PALLD: variants seen among roughly 807,000 people sequenced by gnomAD.
The protein encoded by PALLD is palladin.
Under a neutral mutation model 123.5 loss-of-function variants are expected in PALLD, and 61 were observed. That is an observed-to-expected ratio of 0.49 (90% CI 0.40 to 0.61). The LOEUF is 0.61. PALLD is among the 20% of genes least tolerant of loss of function. PALLD has a pLI of 0.00. For missense variants in PALLD, 1,273 were observed against 1,377.0 expected (o/e 0.92, Z 1.20); for synonymous variants, 465 against 496.4 (o/e 0.94, Z 0.84).
chr4:168,529,628 T>G (rs1310225820), intron 2 of PALLD, among the ~76,000 whole-genome samples: 1 of 152,214 alleles, frequency 6.6e-6, no homozygotes, highest in Non-Finnish European at 1.5e-5. Context: ...TAAAAAAGTT[T>G]TTTGAGACAT....
chr4:168,924,997 A>G lies in PALLD; in HGVS notation c.3277A>G (p.Lys1093Glu), dbSNP rs1553984987. 6.2e-7 allele frequency: 1 copy of G among 1,614,144 alleles called. No homozygotes were observed. Among genetic ancestry groups the G allele is most frequent in the Non-Finnish European group, 8.5e-7 (1 of 1,179,984 alleles). ...CTGCCTGCTCATTCAGGGAGCCACA[A>G]AAGAAGATGCTGGGTGGTATACTGT... The part of the protein sequence containing the change: ...YICLLIQGAT[K>E]EDAGWYTVSA... Residue 1093 changes from lysine to glutamate, a missense_variant, in exon 20 of 22, where the codon AAA becomes GAA. By Grantham distance (56) the Lys-to-Glu change is moderately conservative. Coordinates refer to ENST00000505667, the MANE Select transcript of PALLD (RefSeq NM_001166108.2).
At chr4:168,560,663 AGAG>A (rs1767774324) in intron 2 of PALLD, among the ~76,000 whole-genome samples, 1 of 152,212 alleles carries the variant, frequency 6.6e-6, no homozygotes. Context: ...TCAGGAGATC[AGAG>A]AAGAAGCTCA....
At chr4:168,602,794 C>G (rs752696540) in intron 2 of PALLD, among the ~76,000 whole-genome samples, 8 of 152,114 alleles carry the variant, frequency 5.3e-5, no homozygotes, top group Non-Finnish European at 7.3e-5. Flanking sequence ...AAGACAAGGT[C>G]TCACTCTGTC....
intron 10 of PALLD, among the ~76,000 whole-genome samples, chr4:168,718,618 T>C (rs965745936): frequency 3.9e-5 from 6 of 152,210 alleles, no homozygotes; most frequent in Admixed American, 6.5e-5. Context: ...CACTGAAAAG[T>C]CTGCCTCTCG....
intron 10 of PALLD, among the ~76,000 whole-genome samples, chr4:168,834,364 C>T (rs1744799792): frequency 6.6e-6 from 1 of 152,100 alleles, no homozygotes; most frequent in Admixed American, 6.6e-5. Flanking sequence ...AAACAGGTGT[C>T]CTACTCATAG....
intron 6 of PALLD, among the ~76,000 whole-genome samples, chr4:168,689,263 A>G (rs1247640151): frequency 6.6e-6 from 1 of 152,118 alleles, no homozygotes; most frequent in Non-Finnish European, 1.5e-5. Context: ...GGTTTTTTCC[A>G]GGACATCATT....
At chr4:168,709,546 GGAAGGAAGGAAGGAAGGAAGGA>G (rs1784551714) in intron 9 of PALLD, among the ~76,000 whole-genome samples, 24 of 738 alleles carry the variant, frequency 0.033, 5 homozygotes, top group African/African-American at 0.045. Context: ...AAGGAAGGAA[GGAAGGAAGGAAGGAAGGAAGGA>G]AGGAAGGAAG....
chr4:168,553,957 C>T (rs1767006057), intron 2 of PALLD, among the ~76,000 whole-genome samples: 1 of 152,184 alleles, frequency 6.6e-6, no homozygotes, highest in Admixed American at 6.5e-5. Flanking sequence ...ATATTTGTGA[C>T]AACGGCGATT....
intron 3 of PALLD, among the ~76,000 whole-genome samples, chr4:168,671,780 C>T (rs1192123575): frequency 6.6e-6 from 1 of 152,064 alleles, no homozygotes; most frequent in African/African-American, 2.4e-5. Context: ...TTAGACTCAC[C>T]CATATTCCTA....
At position 168,545,321 on chromosome 4, in the gene PALLD, G is replaced by A. The variant is rs543150668; in HGVS notation, c.908+32909G>A. On this transcript the variant is annotated intron_variant, in intron 2 of 21. Coordinates refer to ENST00000505667, the MANE Select transcript of PALLD (RefSeq NM_001166108.2). Reference sequence around the variant, plus strand: ...GCAGGCGGATTACCTGAGGTCAGGAGTTCAAGACCAGCCTGGCCAACATGG... The same window carrying A: ...GCAGGCGGATTACCTGAGGTCAGGAATTCAAGACCAGCCTGGCCAACATGG... Among the ~76,000 whole-genome samples the A allele has an allele frequency of 6.6e-5, 10 of 152,226 alleles. No homozygotes were observed. The East Asian group carries it at 9.7e-4, about 15-fold the overall frequency.
At chr4:168,887,116 CAAAAAA>C (rs755173931) in intron 10 of PALLD, among the ~76,000 whole-genome samples, 1 of 94,562 alleles carries the variant, frequency 1.1e-5, no homozygotes. Flanking sequence ...GACTCTGTCT[CAAAAAA>C]AAAAAAAAAA....
intron 10 of PALLD, among the ~76,000 whole-genome samples, chr4:168,848,961 A>G (rs11934770): frequency 0.2 from 31,148 of 152,126 alleles, 4,227 homozygotes; most frequent in African/African-American, 0.38. Context: ...AACTACAGTC[A>G]GTAAAGATGA....
chr4:168,916,054 C>G, intron 17 of PALLD, 27 bp downstream of exon 17: 2 of 1,603,758 alleles, frequency 1.2e-6, no homozygotes, highest in Non-Finnish European at 1.7e-6. Context: ...GCTTGCATAT[C>G]CTATTGCCCC....
At chr4:168,639,817 T>C (rs1288630863) in intron 2 of PALLD, among the ~76,000 whole-genome samples, 2 of 152,186 alleles carry the variant, frequency 1.3e-5, no homozygotes, top group African/African-American at 4.8e-5. Context: ...GTGCTGGGAT[T>C]ATAGGCGTGA....
intron 10 of PALLD, among the ~76,000 whole-genome samples, chr4:168,772,093 A>G (rs1393578134): frequency 6.6e-6 from 1 of 152,168 alleles, no homozygotes; most frequent in Non-Finnish European, 1.5e-5. Flanking sequence ...GTATGTGCCT[A>G]GCATTCAACA....
At chr4:168,599,376 C>A (rs559764637) in intron 2 of PALLD, among the ~76,000 whole-genome samples, 2 of 152,186 alleles carry the variant, frequency 1.3e-5, no homozygotes. Flanking sequence ...ATTTGAAGGA[C>A]AAGTTGGCAG....
At chr4:168,785,842 T>G (rs1391292309) in intron 10 of PALLD, among the ~76,000 whole-genome samples, 2 of 98,960 alleles carry the variant, frequency 2.0e-5, no homozygotes, top group African/African-American at 8.4e-5. Flanking sequence ...TAATAAACTG[T>G]AGAGATATAT....
chr4:168,785,638 C>A (rs1317749314), intron 10 of PALLD, among the ~76,000 whole-genome samples: 3 of 151,678 alleles, frequency 2.0e-5, no homozygotes, highest in Non-Finnish European at 1.5e-5. Flanking sequence ...CATTTGCAAA[C>A]CCCACCTTGG....
chr4:168,669,669 TCA>T (rs1165337718), intron 3 of PALLD, among the ~76,000 whole-genome samples: 1 of 152,156 alleles, frequency 6.6e-6, no homozygotes, highest in Non-Finnish European at 1.5e-5. Flanking sequence ...ACCTTTACTT[TCA>T]GTGAAAGGAT....
Sources: gnomAD v4.1 joint callset for allele counts (sites outside exome capture counted in the v4.1 genomes callset) on GRCh38, gnomAD v4.1.1 for gene constraint, MANE v1.5 for transcripts, NCBI Gene and HGNC (gene_info 2026-07-23, HGNC 2026-07-21) for gene names.